MYCBPAP: variants seen among roughly 807,000 people sequenced by gnomAD.
MYCBPAP encodes MYCBP associated protein.
MYCBPAP carries 60 observed loss-of-function variants against 106.1 expected under a neutral mutation model. The ratio of observed to expected loss-of-function variants is 0.57; its 90% CI spans 0.46 to 0.70. The LOEUF is 0.70. MYCBPAP is among the 30% of genes least tolerant of loss of function. The pLI is 0.00. For synonymous variants in MYCBPAP, 407 were observed against 440.6 expected (o/e 0.92, Z 0.95); for missense variants, 1,064 against 1,169.3 (o/e 0.91, Z 1.31).
chr17:50,527,242 C>G (rs375505769), intron 14 of MYCBPAP, 45 bp from the exon 15 acceptor site: 65 of 1,610,764 alleles, frequency 4.0e-5, no homozygotes, highest in African/African-American at 5.3e-5. Context: ...CTAGAGGACA[C>G]AGCCTTGGTG....
intron 1 of MYCBPAP, among the ~76,000 whole-genome samples, chr17:50,512,036 C>T (rs1396517979): frequency 6.6e-6 from 1 of 151,138 alleles, no homozygotes; most frequent in African/African-American, 2.4e-5. Context: ...CACCTCTCCA[C>T]CTCCCCAGCA....
upstream of MYCBPAP, among the ~76,000 whole-genome samples, chr17:50,507,957 GA>G (rs1182829747): frequency 6.6e-6 from 1 of 152,244 alleles, no homozygotes; most frequent in Non-Finnish European, 1.5e-5. Context: ...AGGACTGTGA[GA>G]ATGCCCCAAG....
chr17:50,516,431 T>C, intron 1 of MYCBPAP, 139 bp from the exon 2 acceptor site: 1 of 1,075,096 alleles, frequency 9.3e-7, no homozygotes, highest in African/African-American at 1.6e-5. Flanking sequence ...CTTGGCAGCC[T>C]CTGCTATCTA....
At chr17:50,522,302 C>A in intron 10 of MYCBPAP, 1 of 431,240 alleles carries the variant, frequency 2.3e-6, no homozygotes, top group South Asian at 2.9e-5. Context: ...ACCCAGCCCC[C>A]AAGCATGTAA....
At chr17:50,520,902 T>G in intron 7 of MYCBPAP, 1 of 548,350 alleles carries the variant, frequency 1.8e-6, no homozygotes, top group East Asian at 3.0e-5. Flanking sequence ...GATTTGGCTA[T>G]TTGGAAGCTA....
At chr17:50,519,414 T>C in intron 6 of MYCBPAP, 1 of 608,970 alleles carries the variant, frequency 1.6e-6, no homozygotes, top group Non-Finnish European at 2.9e-6. Context: ...GGTAGACCAG[T>C]GCAGTACCTG....
At chr17:50,531,220 A>G in intron 18 of MYCBPAP, 107 bp from the exon 19 acceptor site, 1 of 685,866 alleles carries the variant, frequency 1.5e-6, no homozygotes, top group East Asian at 3.3e-5. Flanking sequence ...TTCTTTCACA[A>G]ACAACTGGTT....
Position 50,523,610 on chromosome 17 carries a change from T to G in MYCBPAP, c.1461T>G (p.Pro487=). The change falls in exon 12 of 19, where the codon CCT becomes CCG. Residue 487 remains proline, a synonymous_variant. Transcript: ENST00000323776. ...TGTCCCTCTCAGGTGTGATTCTGCCTGGAGAAATTAAAACATTTACCTTCT... is the reference window on the plus strand; with the variant it reads ...TGTCCCTCTCAGGTGTGATTCTGCCGGGAGAAATTAAAACATTTACCTTCT... ...YFDNREGVIL[P]GEIKTFTFFF... is the part of the protein sequence containing the mutation. 1 of 1,614,226 alleles carries G rather than the reference T, an allele frequency of 6.2e-7. No individual in the cohort carries two copies. Among genetic ancestry groups the G allele is most frequent in the Non-Finnish European group, 8.5e-7 (1 of 1,180,040 alleles).
intron 1 of MYCBPAP, 70 bp from the exon 2 acceptor site, chr17:50,516,500 T>C (rs2034056485): frequency 6.6e-7 from 1 of 1,524,088 alleles, no homozygotes; most frequent in South Asian, 1.2e-5. Flanking sequence ...TACTTTTATT[T>C]TTGTATGTAT....
chr17:50,529,782 C>G (rs1053627289), intron 18 of MYCBPAP: 11 of 456,574 alleles, frequency 2.4e-5, no homozygotes, highest in Non-Finnish European at 4.8e-5. Flanking sequence ...CTGGCAGATG[C>G]GTTCCTTGGG....
chr17:50,519,902 T>TAGA, intron 7 of MYCBPAP, 115 bp downstream of exon 7: 1 of 1,190,832 alleles, frequency 8.4e-7, no homozygotes. Flanking sequence ...TGTTTCTCTG[T>TAGA]GGTTCTCTGG....
intron 1 of MYCBPAP, among the ~76,000 whole-genome samples, chr17:50,515,126 A>G (rs2033997960): frequency 6.6e-6 from 1 of 152,094 alleles, no homozygotes; most frequent in Non-Finnish European, 1.5e-5. Context: ...TTTCTTTGGA[A>G]TGCCTGTTCC....
chr17:50,508,361 TCCC>T (rs1386841560), upstream of MYCBPAP: 3 of 510,208 alleles, frequency 5.9e-6, no homozygotes, highest in African/African-American at 6.1e-5. Context: ...CTCGCCCGGG[TCCC>T]CCGCCCCGCC....
At chr17:50,524,566 C>T (rs759096466) in intron 12 of MYCBPAP, among the ~76,000 whole-genome samples, 2 of 152,108 alleles carry the variant, frequency 1.3e-5, no homozygotes, top group Non-Finnish European at 2.9e-5. Flanking sequence ...TCTTCCTAAT[C>T]TGGTGACATG....
intron 14 of MYCBPAP, 63 bp from the exon 15 acceptor site, chr17:50,527,224 G>A (rs768711330): frequency 6.2e-6 from 10 of 1,601,194 alleles, no homozygotes; most frequent in South Asian, 1.1e-5. Context: ...ACATCACCAT[G>A]CCCTTCACTA....
intron 6 of MYCBPAP, 24 bp from the exon 7 acceptor site, chr17:50,519,616 G>A (rs1422449120): frequency 6.2e-7 from 1 of 1,613,394 alleles, no homozygotes; most frequent in African/African-American, 1.3e-5. Flanking sequence ...CTGGTAATCT[G>A]ACTCACCTTT....
chr17:50,509,648 G>A (rs1597814337), intron 1 of MYCBPAP: 3 of 157,298 alleles, frequency 1.9e-5, no homozygotes, highest in East Asian at 1.9e-4. Flanking sequence ...CTCCTGCCTC[G>A]GCCTCACAGA....
intron 4 of MYCBPAP, among the ~76,000 whole-genome samples, chr17:50,517,931 C>T (rs1181064382): frequency 6.6e-6 from 1 of 152,202 alleles, no homozygotes; most frequent in Non-Finnish European, 1.5e-5. Flanking sequence ...TCATGGAACC[C>T]AAAGGCGGGA....
chr17:50,510,692 A>T (rs1201092015), intron 1 of MYCBPAP, among the ~76,000 whole-genome samples: 14 of 111,156 alleles, frequency 1.3e-4, no homozygotes, highest in South Asian at 2.8e-4. Context: ...TGCCTGGCAA[A>T]TTTTTTTTTT....
Sources: gnomAD v4.1 joint callset for allele counts (sites outside exome capture counted in the v4.1 genomes callset) on GRCh38, gnomAD v4.1.1 for gene constraint, MANE v1.5 for transcripts, NCBI Gene and HGNC (gene_info 2026-07-23, HGNC 2026-07-21) for gene names.